ANK1: variants seen among roughly 807,000 people sequenced by gnomAD.
ANK1 encodes ankyrin-1.
ANK1 carries 51 observed loss-of-function variants against 210.4 expected under a neutral mutation model. The observed-to-expected ratio is 0.24, with a 90% CI of 0.19 to 0.31. The LOEUF (loss-of-function observed/expected upper bound fraction) is 0.31, where lower values mean the gene tolerates loss of function less well. Among genes scored for constraint, ANK1 ranks in the 10% least tolerant of loss-of-function variants. The pLI is 1.00. For missense variants in ANK1, 2,051 were observed against 2,504.4 expected, an observed-to-expected ratio of 0.82 and a Z score of 3.86; for synonymous variants, 967 against 1,025.9, an observed-to-expected ratio of 0.94 and a Z score of 1.10.
intron 1 of ANK1, among the ~76,000 whole-genome samples, chr8:41,807,101 G>A (rs1356347889): frequency 2.0e-5 from 3 of 151,914 alleles, no homozygotes; most frequent in Non-Finnish European, 2.9e-5. Context: ...CATCTTTCTC[G>A]TAATATTTAC....
At chr8:41,664,007 G>A in intron 39 of ANK1, 1 of 603,150 alleles carries the variant, frequency 1.7e-6, no homozygotes, top group Non-Finnish European at 3.1e-6. Flanking sequence ...CTGGGAACCT[G>A]CAAAATGGGG....
At chr8:41,675,071 A>T (rs1813707175) in intron 37 of ANK1, among the ~76,000 whole-genome samples, 1 of 152,176 alleles carries the variant, frequency 6.6e-6, no homozygotes, top group African/African-American at 2.4e-5. Context: ...AGCATTTTAT[A>T]TTATTTACAT....
intron 1 of ANK1, among the ~76,000 whole-genome samples, chr8:41,765,716 G>A (rs1044937492): frequency 2.0e-5 from 3 of 152,156 alleles, no homozygotes; most frequent in African/African-American, 4.8e-5. Flanking sequence ...GCTCTGAAAG[G>A]GTGGTGAATC....
chr8:41,860,546 C>A (rs1434381361), intron 1 of ANK1, among the ~76,000 whole-genome samples: 2 of 152,170 alleles, frequency 1.3e-5, no homozygotes, highest in African/African-American at 4.8e-5. Context: ...AGTTGTGTGA[C>A]CTGAGCGGGC....
chr8:41,841,870 C>A (rs74503952), intron 1 of ANK1, among the ~76,000 whole-genome samples: 2,360 of 152,348 alleles, frequency 0.015, 52 homozygotes, highest in African/African-American at 0.052. Flanking sequence ...GACCCTGAGG[C>A]ACCTCCTGGG....
At chr8:41,785,161 C>T (rs145160432) in intron 1 of ANK1, among the ~76,000 whole-genome samples, 156 of 152,168 alleles carry the variant, frequency 1.0e-3, no homozygotes, top group African/African-American at 3.5e-3. Flanking sequence ...AGTTCAAGAC[C>T]AGCCTGGGCA....
chr8:41,783,567 A>G (rs1376879182), intron 1 of ANK1, among the ~76,000 whole-genome samples: 1 of 152,144 alleles, frequency 6.6e-6, no homozygotes, highest in African/African-American at 2.4e-5. Flanking sequence ...CGTCCATCCA[A>G]TGATCAAGGT....
intron 38 of ANK1, among the ~76,000 whole-genome samples, chr8:41,670,660 G>T (rs3802315): frequency 0.24 from 36,085 of 152,184 alleles, 4,390 homozygotes; most frequent in Middle Eastern, 0.3. Flanking sequence ...ATTGGGGCCA[G>T]GCTGCATGGA....
At chr8:41,766,278 G>C (rs1471079597) in intron 1 of ANK1, among the ~76,000 whole-genome samples, 1 of 152,178 alleles carries the variant, frequency 6.6e-6, no homozygotes, top group Non-Finnish European at 1.5e-5. Flanking sequence ...TATGAGGAAA[G>C]ACAGCTGTCC....
rs565004448 is a variant in ANK1, at chr8:41,804,591, G to C, written c.127-46454C>G. Among the ~76,000 whole-genome samples the C allele has an allele frequency of 1.4e-3, 210 of 152,214 alleles. 1 individual carries two copies. Among genetic ancestry groups the C allele is most frequent in the Non-Finnish European group, 2.4e-3 (166 of 68,008 alleles). On this transcript the variant is annotated intron_variant, in intron 1 of 42. Coordinates refer to the ANK1 transcript ENST00000265709. ...TATGAGAGGGATTAATTAATTGCCC[G>C]CAAAATAATCTGGTCTTTTTCAATG... is the stretch of plus-strand genomic sequence containing the variant.
chr8:41,738,748 T>A (rs768051840), intron 2 of ANK1, among the ~76,000 whole-genome samples: 1 of 152,228 alleles, frequency 6.6e-6, no homozygotes, highest in African/African-American at 2.4e-5. Context: ...GCTTGGTTGC[T>A]AAAAGTAAAA....
At chr8:41,710,987 T>A (rs1825970959) in intron 16 of ANK1, among the ~76,000 whole-genome samples, 1 of 152,230 alleles carries the variant, frequency 6.6e-6, no homozygotes, top group South Asian at 2.1e-4. Context: ...CATGAGATAA[T>A]CCTTTCTAGT....
Position 41,890,630 on chromosome 8 carries a change from A to G in ANK1, c.126+5725T>C, listed in dbSNP as rs191115783. ...AGGCTGAGGCAGGAGAATCACCTGA[A>G]CCCAGGAGGCGGAGGTTGCAGTGAG... On this transcript the variant is annotated intron_variant, in intron 1 of 42. Transcript: ENST00000265709. 4.4e-3 allele frequency among the ~76,000 whole-genome samples: 657 copies of G among 150,980 alleles called. 2 individuals carry two copies. The highest frequency in any genetic ancestry group is 0.02 in the Middle Eastern group (6 of 294).
chr8:41,705,377 C>T (rs1238127771), intron 18 of ANK1, among the ~76,000 whole-genome samples: 1 of 152,208 alleles, frequency 6.6e-6, no homozygotes, highest in Non-Finnish European at 1.5e-5. Context: ...AGATCCAGAA[C>T]ATTCGTGGAT....
chr8:41,693,350 T>C, intron 29 of ANK1, 149 bp from the exon 30 acceptor site: 1 of 667,202 alleles, frequency 1.5e-6, no homozygotes, highest in Non-Finnish European at 2.7e-6. Context: ...ACCCCGCTGC[T>C]CTTCCTCCTA....
chr8:41,765,751 A>G (rs1841637075), intron 1 of ANK1, among the ~76,000 whole-genome samples: 2 of 152,176 alleles, frequency 1.3e-5, no homozygotes, highest in Non-Finnish European at 2.9e-5. Context: ...CACCCAGACT[A>G]TTATTAAACT....
chr8:41,797,459 G>A lies in ANK1; in HGVS notation c.27+53C>T. ...CGTGCTGCCTACTGGCGCGGCCTGG[G>A]TGGCCCCCTCCTGACATCTCCCCGT... On this transcript the variant is annotated intron_variant, in intron 1 of 42. Coordinates refer to ENST00000289734, the MANE Select transcript of ANK1 (RefSeq NM_000037.4). The surrounding 1 kb of genome is among the most constrained non-coding windows in gnomAD (Gnocchi z 4.0). The A allele has an allele frequency of 6.4e-7, 1 of 1,553,464 alleles. No individual in the cohort carries two copies. The highest frequency in any genetic ancestry group is 1.4e-5 in the African/African-American group (1 of 73,714).
intron 1 of ANK1, among the ~76,000 whole-genome samples, chr8:41,846,828 C>T (rs745540915): frequency 2.0e-5 from 3 of 152,146 alleles, no homozygotes; most frequent in Non-Finnish European, 4.4e-5. Context: ...TGGTCTGCAG[C>T]CAGGCCCTCC....
chr8:41,767,422 C>T (rs1275172941), intron 1 of ANK1, among the ~76,000 whole-genome samples: 1 of 151,944 alleles, frequency 6.6e-6, no homozygotes, highest in East Asian at 1.9e-4. Flanking sequence ...GCTCCCGCTC[C>T]CCCTCCCGGT....
Sources: gnomAD v4.1 joint callset for allele counts (sites outside exome capture counted in the v4.1 genomes callset) on GRCh38, gnomAD v4.1.1 for gene constraint, Gnocchi (gnomAD v3.1) non-coding constraint, MANE v1.5 for transcripts, NCBI Gene and HGNC (gene_info 2026-07-23, HGNC 2026-07-21) for gene names.